Variants in IQCK observed in about 807,000 individuals in gnomAD.
IQCK encodes IQ motif containing K.
A neutral mutation model predicts 28.1 loss-of-function variants in IQCK; 29 were observed. That is an observed-to-expected ratio of 1.03 (90% CI 0.77 to 1.41). The LOEUF (loss-of-function observed/expected upper bound fraction) is 1.41, where lower values mean the gene tolerates loss of function less well. Ranked by LOEUF, IQCK falls within the 40% of genes most tolerant of loss-of-function variation. IQCK has a pLI of 0.00. For missense variants in IQCK, 359 were observed against 314.7 expected (o/e 1.14, Z -1.07); for synonymous variants, 113 against 115.1 (o/e 0.98, Z 0.12).
intron 6 of IQCK, among the ~76,000 whole-genome samples, chr16:19,785,861 A>G (rs1208797824): frequency 6.6e-6 from 1 of 152,194 alleles, no homozygotes; most frequent in Non-Finnish European, 1.5e-5. Context: ...TTCGTTTTCA[A>G]TAAATCCCTG....
At chr16:19,838,860 A>G (rs1025034475) in intron 9 of IQCK, among the ~76,000 whole-genome samples, 1 of 151,620 alleles carries the variant, frequency 6.6e-6, no homozygotes, top group Admixed American at 6.6e-5. Context: ...CTCTACTAAA[A>G]ATACAATAAT....
intron 9 of IQCK, among the ~76,000 whole-genome samples, chr16:19,839,018 C>CAAAAAAA (rs71146274): frequency 3.5e-4 from 15 of 42,584 alleles, no homozygotes; most frequent in Non-Finnish European, 4.5e-4. Context: ...GACTCCATAG[C>CAAAAAAA]AAAAAAAAAA....
intron 9 of IQCK, among the ~76,000 whole-genome samples, chr16:19,851,704 GCACCAGC>G (rs2056485239): frequency 6.6e-6 from 1 of 152,190 alleles, no homozygotes; most frequent in Admixed American, 6.5e-5. Flanking sequence ...AACTGGCTGG[GCACCAGC>G]CTGCTGAGAG....
intron 9 of IQCK, among the ~76,000 whole-genome samples, chr16:19,842,619 T>C (rs2056374415): frequency 6.6e-6 from 1 of 152,246 alleles, no homozygotes; most frequent in Non-Finnish European, 1.5e-5. Flanking sequence ...AAAATGTTGC[T>C]TCCCTTGAAA....
At chr16:19,760,209 G>A (rs1014155978) in intron 4 of IQCK, among the ~76,000 whole-genome samples, 2 of 152,200 alleles carry the variant, frequency 1.3e-5, no homozygotes, top group African/African-American at 4.8e-5. Context: ...AGGATAAATC[G>A]TGGTTAACTG....
intron 7 of IQCK, among the ~76,000 whole-genome samples, 197 bp from the exon 8 acceptor site, chr16:19,826,829 G>A (rs183390067): frequency 2.0e-5 from 3 of 152,294 alleles, no homozygotes; most frequent in East Asian, 3.9e-4. Flanking sequence ...TATTACTATA[G>A]CAAATCTTCA....
At chr16:19,811,031 C>A (rs984786997) in intron 7 of IQCK, among the ~76,000 whole-genome samples, 4 of 152,186 alleles carry the variant, frequency 2.6e-5, no homozygotes, top group Non-Finnish European at 5.9e-5. Context: ...CGCCTGTAAT[C>A]CCAACACTTT....
At chr16:19,849,251 C>G (rs1567202176) in intron 9 of IQCK, among the ~76,000 whole-genome samples, 1 of 144,336 alleles carries the variant, frequency 6.9e-6, no homozygotes, top group Non-Finnish European at 1.5e-5. Flanking sequence ...ATCATTACAT[C>G]TATGTTCAGG....
At chr16:19,786,023 G>A (rs1402349200) in intron 6 of IQCK, among the ~76,000 whole-genome samples, 1 of 152,188 alleles carries the variant, frequency 6.6e-6, no homozygotes, top group Non-Finnish European at 1.5e-5. Context: ...AAGGCTGCTG[G>A]GAGGGGATCC....
intron 9 of IQCK, among the ~76,000 whole-genome samples, chr16:19,838,152 GT>G (rs1213189922): frequency 2.0e-5 from 3 of 152,212 alleles, no homozygotes; most frequent in Non-Finnish European, 4.4e-5. Context: ...TGTTGATGCC[GT>G]TTTGGTGGCT....
At position 19,845,429 on chromosome 16, in the gene IQCK, A is replaced by G. The variant is rs1205024827; in HGVS notation, c.803-11058A>G. 3.3e-5 allele frequency among the ~76,000 whole-genome samples: 5 copies of G among 152,362 alleles called. No individual in the cohort carries two copies. In the East Asian group the frequency reaches 9.7e-4, roughly 29 times the overall value. ...TTTGGGCAGCGGCAGCTGAGAATGCAGTGATAAATAAAAAAGTCATAAGAC... is the reference window on the plus strand; with the variant it reads ...TTTGGGCAGCGGCAGCTGAGAATGCGGTGATAAATAAAAAAGTCATAAGAC... On this transcript the variant is annotated intron_variant, in intron 9 of 9. Coordinates refer to the IQCK transcript ENST00000320394.
chr16:19,816,385 G>A (rs62025048), intron 7 of IQCK, among the ~76,000 whole-genome samples: 6,987 of 152,156 alleles, frequency 0.046, 357 homozygotes, highest in South Asian at 0.19. Context: ...GGGTTCAAGC[G>A]ATTCTCCCAC....
intron 7 of IQCK, among the ~76,000 whole-genome samples, chr16:19,799,167 A>T (rs968545991): frequency 2.6e-5 from 3 of 117,482 alleles, no homozygotes; most frequent in Non-Finnish European, 4.7e-5. Context: ...TTTTAAGCCT[A>T]CTCTCTCTCC....
At chr16:19,773,674 A>G (rs1019333847) in intron 6 of IQCK, among the ~76,000 whole-genome samples, 2 of 152,194 alleles carry the variant, frequency 1.3e-5, no homozygotes, top group African/African-American at 2.4e-5. Context: ...TGTTCCAATA[A>G]CACTTTATTC....
chr16:19,821,753 A>G (rs1390194288), intron 7 of IQCK, among the ~76,000 whole-genome samples: 4 of 152,146 alleles, frequency 2.6e-5, no homozygotes, highest in Admixed American at 1.3e-4. Flanking sequence ...CCTGTTCCCA[A>G]TAGCCAAAAG....
At chr16:19,790,228 CA>C (rs10716576) in intron 7 of IQCK, among the ~76,000 whole-genome samples, 60 of 44,456 alleles carry the variant, frequency 1.3e-3, no homozygotes, top group South Asian at 1.6e-3. Context: ...GACCCTGTCT[CA>C]AAAAAAAAAA....
chr16:19,775,945 G>A (rs369773233), intron 6 of IQCK, among the ~76,000 whole-genome samples: 1 of 121,820 alleles, frequency 8.2e-6, no homozygotes, highest in Admixed American at 1.2e-4. Flanking sequence ...GCAGTGGCAC[G>A]ATCTAGGCTC....
chr16:19,792,700 TA>T (rs2055633183), intron 7 of IQCK, among the ~76,000 whole-genome samples: 1 of 107,324 alleles, frequency 9.3e-6, no homozygotes. Flanking sequence ...GCCTACCGAG[TA>T]GGTGGGATTA....
rs527641350 is a variant in IQCK at position 19,827,043 on chromosome 16, G to C, written c.708G>C (p.Glu236Asp). 3.6e-5 allele frequency: 58 copies of C among 1,613,950 alleles called. 1 individual carries two copies. The Admixed American group carries it at 7.7e-4, about 21-fold the overall frequency. The stretch of plus-strand genomic sequence containing the variant: ...TTTTCCAGGTTCGCTGTGATCCTGA[G>C]ATTCAAGAACTGCGTCAGTGGCAGA... The change falls in exon 8 of 8, where the codon GAG (glutamate) becomes GAC (aspartate). Residue 236 changes from glutamate to aspartate, a missense_variant. Glu to Asp is a conservative substitution (Grantham distance 45). Transcript: ENST00000564186.
Sources: gnomAD v4.1 joint callset for allele counts (sites outside exome capture counted in the v4.1 genomes callset) on GRCh38, gnomAD v4.1.1 for gene constraint, MANE v1.5 for transcripts, NCBI Gene and HGNC (gene_info 2026-07-23, HGNC 2026-07-21) for gene names.